The following TRERF1 variants were observed in gnomAD, a reference collection of about 807,000 sequenced individuals.
TRERF1 encodes transcriptional regulating factor 1.
Under a neutral mutation model 122.9 loss-of-function variants are expected in TRERF1, and 27 were observed. That is an observed-to-expected ratio of 0.22 (90% CI 0.16 to 0.30). The LOEUF (loss-of-function observed/expected upper bound fraction) is 0.30. Among genes scored for constraint, TRERF1 ranks in the 10% least tolerant of loss-of-function variants. The pLI is 1.00. For missense variants in TRERF1, 1,248 were observed against 1,560.3 expected, an observed-to-expected ratio of 0.80 and a Z score of 3.37; for synonymous variants, 636 against 641.7, an observed-to-expected ratio of 0.99 and a Z score of 0.13.
At chr6:42,314,157 T>C (rs1762123937) in intron 3 of TRERF1, among the ~76,000 whole-genome samples, 1 of 151,830 alleles carries the variant, frequency 6.6e-6, no homozygotes. Flanking sequence ...TTTAGACAAA[T>C]GCATGTACAT....
chr6:42,372,968 G>A (rs115503728), intron 2 of TRERF1, among the ~76,000 whole-genome samples: 10 of 152,148 alleles, frequency 6.6e-5, no homozygotes, highest in Non-Finnish European at 1.3e-4. Flanking sequence ...TGAGCAACTG[G>A]GTAGCTTGCT....
At chr6:42,436,124 T>A (rs535907015) in intron 2 of TRERF1, among the ~76,000 whole-genome samples, 7 of 152,272 alleles carry the variant, frequency 4.6e-5, no homozygotes, top group Admixed American at 6.5e-5. Context: ...ATTCCAGCAC[T>A]TTGGGAGGTT....
intron 2 of TRERF1, among the ~76,000 whole-genome samples, chr6:42,422,206 C>G (rs555040349): frequency 3.3e-5 from 5 of 151,354 alleles, no homozygotes; most frequent in Non-Finnish European, 5.9e-5. Flanking sequence ...AAGAAAAACA[C>G]TAACTTATAC....
At chr6:42,412,603 CAACT>C (rs1781272766) in intron 2 of TRERF1, among the ~76,000 whole-genome samples, 1 of 152,102 alleles carries the variant, frequency 6.6e-6, no homozygotes, top group Non-Finnish European at 1.5e-5. Flanking sequence ...GAACAACTAA[CAACT>C]AACTGATCCA....
At chr6:42,356,003 T>G (rs1770466614) in intron 3 of TRERF1, among the ~76,000 whole-genome samples, 1 of 152,228 alleles carries the variant, frequency 6.6e-6, no homozygotes, top group Non-Finnish European at 1.5e-5. Context: ...CCACTGACAT[T>G]CGGAACTAGG....
At chr6:42,245,097 G>C (rs1774526275) in intron 14 of TRERF1, among the ~76,000 whole-genome samples, 1 of 152,218 alleles carries the variant, frequency 6.6e-6, no homozygotes, top group African/African-American at 2.4e-5. Context: ...CCGTCCCAGA[G>C]AGCCCTGGGT....
chr6:42,418,363 G>A (rs1406082323), intron 2 of TRERF1, among the ~76,000 whole-genome samples: 2 of 147,178 alleles, frequency 1.4e-5, no homozygotes, highest in Non-Finnish European at 1.5e-5. Flanking sequence ...TCTGCCTCCC[G>A]GGTTCAAGCA....
intron 2 of TRERF1, among the ~76,000 whole-genome samples, chr6:42,426,724 C>T (rs563420026): frequency 1.3e-5 from 2 of 152,208 alleles, no homozygotes; most frequent in East Asian, 1.9e-4. Flanking sequence ...CATTCATTTA[C>T]GAGTGATCTG....
chr6:42,275,325 T>C lies in TRERF1; in HGVS notation c.-258-5477A>G, dbSNP rs1237726282. On this transcript the variant is annotated intron_variant, in intron 4 of 17. Transcript: ENST00000372922. This position sits in a 1 kb window ranked among gnomAD's most constrained non-coding sequence, Gnocchi z 4.1. ...TTCATGAACTAATTAACAGAACTGC[T>C]ACCTTCCCATTTCTTCGGTCAATTT... Among the ~76,000 whole-genome samples the C allele has an allele frequency of 6.6e-6, 1 of 152,256 alleles. No homozygotes were observed. The highest frequency in any genetic ancestry group is 1.5e-5 in the Non-Finnish European group (1 of 68,040).
intron 2 of TRERF1, among the ~76,000 whole-genome samples, chr6:42,443,904 T>C (rs772806007): frequency 6.6e-6 from 1 of 152,212 alleles, no homozygotes; most frequent in Non-Finnish European, 1.5e-5. Flanking sequence ...CTATGCCTCT[T>C]ACCGTTGACA....
At chr6:42,291,092 G>A (rs1784254231) in intron 4 of TRERF1, among the ~76,000 whole-genome samples, 1 of 152,280 alleles carries the variant, frequency 6.6e-6, no homozygotes, top group South Asian at 2.1e-4. Flanking sequence ...GTTCTGTGAG[G>A]TCACAACAAA....
At chr6:42,423,403 T>C (rs987360241) in intron 2 of TRERF1, among the ~76,000 whole-genome samples, 2 of 152,132 alleles carry the variant, frequency 1.3e-5, no homozygotes, top group African/African-American at 4.8e-5. Flanking sequence ...CTAAACTAGC[T>C]CTGCTTGCTA....
At chr6:42,285,795 T>C (rs1315537542) in intron 4 of TRERF1, among the ~76,000 whole-genome samples, 1 of 151,980 alleles carries the variant, frequency 6.6e-6, no homozygotes, top group Non-Finnish European at 1.5e-5. Context: ...AAAACTACTT[T>C]AAAGTTCATA....
intron 2 of TRERF1, among the ~76,000 whole-genome samples, chr6:42,414,517 C>T (rs544058904): frequency 1.3e-5 from 2 of 152,314 alleles, no homozygotes; most frequent in South Asian, 2.1e-4. Context: ...CTCCAAATTA[C>T]GTTTCTGAGA....
At position 42,308,748 on chromosome 6, in the gene TRERF1, C is replaced by T. The variant is rs180942232; in HGVS notation, c.-370-7999G>A. Among the ~76,000 whole-genome samples the T allele has an allele frequency of 3.7e-3, 561 of 152,062 alleles. 1 individual carries two copies. The highest frequency in any genetic ancestry group is 6.4e-3 in the Non-Finnish European group (434 of 67,994). On this transcript the variant is annotated intron_variant, in intron 3 of 17. Coordinates refer to ENST00000372922, the Ensembl canonical transcript of TRERF1. ...GAGCTAAATGATGAGAACTTATGAA[C>T]ACAAAGAAGGAAACAACAGACACTG... is the stretch of plus-strand genomic sequence containing the variant.
intron 2 of TRERF1, among the ~76,000 whole-genome samples, chr6:42,450,415 T>C (rs1788265607): frequency 6.6e-6 from 1 of 152,232 alleles, no homozygotes; most frequent in South Asian, 2.1e-4. Context: ...GCCCAGGCCA[T>C]GCTGAATTGA....
At chr6:42,377,981 C>G (rs954294223) in intron 2 of TRERF1, among the ~76,000 whole-genome samples, 2 of 152,094 alleles carry the variant, frequency 1.3e-5, no homozygotes, top group Non-Finnish European at 2.9e-5. Context: ...ATCAAGAGGC[C>G]TCACATTTTC....
intron 4 of TRERF1, among the ~76,000 whole-genome samples, chr6:42,270,595 G>T (rs1780040031): frequency 6.6e-6 from 1 of 152,088 alleles, no homozygotes; most frequent in Non-Finnish European, 1.5e-5. Flanking sequence ...AAGGTGATGA[G>T]TCGCATAAAT....
intron 4 of TRERF1, among the ~76,000 whole-genome samples, chr6:42,296,743 G>A (rs1427307408): frequency 6.6e-6 from 1 of 152,168 alleles, no homozygotes; most frequent in Admixed American, 6.5e-5. Flanking sequence ...AGAGGCAGAG[G>A]GAAGGGAAGA....
Sources: gnomAD v4.1 joint callset for allele counts (sites outside exome capture counted in the v4.1 genomes callset) on GRCh38, gnomAD v4.1.1 for gene constraint, Gnocchi (gnomAD v3.1) non-coding constraint, MANE v1.5 for transcripts, NCBI Gene and HGNC (gene_info 2026-07-23, HGNC 2026-07-21) for gene names.